The following DPYD variants were observed in gnomAD, a reference collection of about 807,000 sequenced individuals.
DPYD encodes the protein dihydropyrimidine dehydrogenase.
A neutral mutation model predicts 116.2 loss-of-function variants in DPYD; 109 were observed. The ratio of observed to expected loss-of-function variants is 0.94; its 90% CI spans 0.80 to 1.10. DPYD has a LOEUF of 1.10. DPYD is among the 50% of genes least tolerant of loss of function. The pLI, the probability that DPYD is intolerant of heterozygous loss-of-function variation, is 0.00. For missense variants in DPYD, 1,302 were observed against 1,254.5 expected (o/e 1.04, Z -0.57); for synonymous variants, 440 against 432.0 (o/e 1.02, Z -0.23).
intron 1 of DPYD, among the ~76,000 whole-genome samples, chr1:97,891,636 G>A (rs1055439913): frequency 1.3e-5 from 2 of 151,674 alleles, no homozygotes; most frequent in African/African-American, 4.8e-5. Context: ...ACCATTGAGG[G>A]CAAAAAAGAG....
intron 19 of DPYD, among the ~76,000 whole-genome samples, chr1:97,217,954 T>A (rs917181202): frequency 6.6e-6 from 1 of 152,236 alleles, no homozygotes; most frequent in African/African-American, 2.4e-5. Flanking sequence ...ATAGGTACTA[T>A]AACTTCCATT....
intron 4 of DPYD, among the ~76,000 whole-genome samples, chr1:97,735,521 A>G (rs891787041): frequency 8.5e-5 from 7 of 82,510 alleles, no homozygotes; most frequent in Admixed American, 5.1e-4. Context: ...ATAAAAATAC[A>G]AAAAAAAAAA....
intron 10 of DPYD, among the ~76,000 whole-genome samples, chr1:97,576,313 ATG>A (rs1169024815): frequency 6.6e-6 from 1 of 152,190 alleles, no homozygotes; most frequent in Non-Finnish European, 1.5e-5. Context: ...TCAATATACA[ATG>A]TGTACCTGTA....
chr1:97,470,147 G>T (rs540587341), intron 13 of DPYD, among the ~76,000 whole-genome samples: 1 of 151,968 alleles, frequency 6.6e-6, no homozygotes, highest in Non-Finnish European at 1.5e-5. Flanking sequence ...TGCATTTTTC[G>T]AATCATTTTT....
chr1:97,804,249 T>C (rs2101349496), intron 3 of DPYD, among the ~76,000 whole-genome samples: 1 of 151,936 alleles, frequency 6.6e-6, no homozygotes, highest in South Asian at 2.1e-4. Context: ...CTGTTCTTTA[T>C]GTATTATCAC....
intron 20 of DPYD, among the ~76,000 whole-genome samples, chr1:97,150,491 G>A (rs1184257235): frequency 2.0e-5 from 3 of 152,102 alleles, no homozygotes; most frequent in Non-Finnish European, 4.4e-5. Flanking sequence ...TTATTTTCAC[G>A]TAGGTAAAAT....
At chr1:97,227,150 C>A (rs929436838) in intron 19 of DPYD, among the ~76,000 whole-genome samples, 4 of 151,544 alleles carry the variant, frequency 2.6e-5, no homozygotes, top group African/African-American at 9.7e-5. Flanking sequence ...CATGTTGAAA[C>A]CCCGTCTTTA....
chr1:97,622,995 A>C (rs1442249844), intron 8 of DPYD, among the ~76,000 whole-genome samples: 1 of 152,054 alleles, frequency 6.6e-6, no homozygotes, highest in East Asian at 1.9e-4. Context: ...GAAGGGCAAA[A>C]CAGATGCAAA....
intron 3 of DPYD, among the ~76,000 whole-genome samples, chr1:97,801,915 CTAG>C (rs754084949): frequency 6.6e-6 from 1 of 151,674 alleles, no homozygotes; most frequent in Non-Finnish European, 1.5e-5. Context: ...TATTATTTGA[CTAG>C]TAGTGTCTAA....
At position 97,795,835 on chromosome 1, in the gene DPYD, G is replaced by T. The variant is rs1220420510; in HGVS notation, c.233+32279C>A. 5.3e-5 allele frequency among the ~76,000 whole-genome samples: 8 copies of T among 151,774 alleles called. No individual in the cohort carries two copies. The East Asian group carries it at 1.5e-3, about 29-fold the overall frequency. On this transcript the variant is annotated intron_variant, in intron 3 of 22. Transcript: ENST00000370192. The stretch of plus-strand genomic sequence containing the variant: ...TTTTATAATGATAACATCTCATTTT[G>T]TTGTGCCCTAGGTATAATGAAACAC...
At chr1:97,623,376 A>G (rs1210057878) in intron 8 of DPYD, among the ~76,000 whole-genome samples, 1 of 152,094 alleles carries the variant, frequency 6.6e-6, no homozygotes, top group African/African-American at 2.4e-5. Context: ...CTCTTATGGA[A>G]AGTAAAAAGG....
intron 1 of DPYD, among the ~76,000 whole-genome samples, chr1:97,895,026 A>T (rs1392505106): frequency 1.3e-5 from 2 of 151,800 alleles, no homozygotes; most frequent in Non-Finnish European, 2.9e-5. Flanking sequence ...AGGGATTATT[A>T]CGTTACCAAA....
intron 8 of DPYD, among the ~76,000 whole-genome samples, chr1:97,658,781 T>A (rs2100861584): frequency 6.6e-6 from 1 of 152,240 alleles, no homozygotes; most frequent in South Asian, 2.1e-4. Flanking sequence ...GCCCAACTTT[T>A]CTAACCTACT....
At chr1:97,465,399 T>C (rs771553276) in intron 13 of DPYD, among the ~76,000 whole-genome samples, 9 of 152,022 alleles carry the variant, frequency 5.9e-5, no homozygotes, top group Non-Finnish European at 1.2e-4. Context: ...GACATGAAAT[T>C]TGGGAGGGGC....
chr1:97,477,278 T>G (rs1034479732), intron 13 of DPYD, among the ~76,000 whole-genome samples: 3 of 152,212 alleles, frequency 2.0e-5, no homozygotes, highest in Non-Finnish European at 4.4e-5. Context: ...ATAAACTACT[T>G]TCTTTGCTCA....
chr1:97,882,391 T>G (rs186065084), intron 2 of DPYD, among the ~76,000 whole-genome samples: 1 of 152,046 alleles, frequency 6.6e-6, no homozygotes, highest in African/African-American at 2.4e-5. Context: ...TCAGTTTCCA[T>G]CCTCAAAGAG....
intron 16 of DPYD, among the ~76,000 whole-genome samples, chr1:97,343,458 A>G (rs1669686121): frequency 1.3e-5 from 2 of 152,170 alleles, no homozygotes; most frequent in South Asian, 4.1e-4. Context: ...AATACAGAAA[A>G]TGAAAGTGTA....
At chr1:97,358,447 A>AGTG (rs1460053578) in intron 16 of DPYD, among the ~76,000 whole-genome samples, 1 of 152,196 alleles carries the variant, frequency 6.6e-6, no homozygotes, top group Non-Finnish European at 1.5e-5. Flanking sequence ...TGAAGAGAGC[A>AGTG]GTGGTTCTCC....
In DPYD at chr1:97,549,670, T is replaced by TAG. The variant is rs1557790945; in HGVS notation, c.1412_1413dup (p.Ser472LeufsTer23). Reference sequence around the variant, plus strand: ...CCACCTGCAAATACCCATGCTTCACTAGTTTGCATAGTTTCTGGATCTACT... The same window carrying TAG: ...CCACCTGCAAATACCCATGCTTCACTAGAGTTTGCATAGTTTCTGGATCTACT... On this transcript the variant is annotated frameshift_variant, in exon 12 of 23. Transcript: ENST00000370192. LOFTEE classifies it high-confidence loss of function. 1 of 1,613,894 alleles carries TAG rather than the reference T, an allele frequency of 6.2e-7. No homozygotes were observed. The highest frequency in any genetic ancestry group is 8.5e-7 in the Non-Finnish European group (1 of 1,179,864).
Sources: gnomAD v4.1 joint callset for allele counts (sites outside exome capture counted in the v4.1 genomes callset) on GRCh38, gnomAD v4.1.1 for gene constraint, MANE v1.5 for transcripts, NCBI Gene and HGNC (gene_info 2026-07-23, HGNC 2026-07-21) for gene names.